Variants in NPFFR2 observed in about 807,000 individuals in gnomAD.
NPFFR2 encodes the protein neuropeptide FF receptor 2.
A neutral mutation model predicts 13.1 loss-of-function variants in NPFFR2; 15 were observed. That is an observed-to-expected ratio of 1.15 (90% CI 0.77 to 1.76). The LOEUF (loss-of-function observed/expected upper bound fraction) is 1.76. Among genes scored for constraint, NPFFR2 ranks in the 40% most tolerant of loss-of-function variants. NPFFR2 has a pLI of 0.00. For synonymous variants in NPFFR2, 190 were observed against 175.7 expected (o/e 1.08, Z -0.65); for missense variants, 572 against 503.5 (o/e 1.14, Z -1.30).
intron 1 of NPFFR2, among the ~76,000 whole-genome samples, chr4:72,058,999 A>G (rs1393218046): frequency 6.6e-6 from 1 of 152,088 alleles, no homozygotes; most frequent in Non-Finnish European, 1.5e-5. Context: ...TTGAGGATGT[A>G]CAAATTAATG....
intron 1 of NPFFR2, among the ~76,000 whole-genome samples, chr4:72,119,807 G>T (rs1441112717): frequency 1.3e-5 from 2 of 152,232 alleles, no homozygotes; most frequent in Non-Finnish European, 2.9e-5. Context: ...TCCCTCAGGT[G>T]CCTATGCCAC....
At chr4:72,073,879 C>T (rs1720341473) in intron 1 of NPFFR2, among the ~76,000 whole-genome samples, 1 of 151,450 alleles carries the variant, frequency 6.6e-6, no homozygotes, top group Admixed American at 6.6e-5. Context: ...AAAGAGTATA[C>T]TCTAAAGGAA....
At chr4:72,065,043 G>A (rs115107179) in intron 1 of NPFFR2, among the ~76,000 whole-genome samples, 139 of 151,600 alleles carry the variant, frequency 9.2e-4, no homozygotes, top group African/African-American at 3.2e-3. Context: ...TTGTCCAGTG[G>A]CCAGAGACAG....
At chr4:72,095,749 T>C (rs1295368231) in intron 1 of NPFFR2, among the ~76,000 whole-genome samples, 1 of 152,144 alleles carries the variant, frequency 6.6e-6, no homozygotes, top group East Asian at 1.9e-4. Context: ...CTCTCACCTT[T>C]CCAGGAGTCT....
chr4:72,115,036 A>G (rs769895833), intron 1 of NPFFR2, among the ~76,000 whole-genome samples: 1 of 152,138 alleles, frequency 6.6e-6, no homozygotes, highest in Non-Finnish European at 1.5e-5. Flanking sequence ...CAAGCATTGG[A>G]TATATTTTGC....
rs1720890510 is a variant in NPFFR2 at position 72,090,520 on chromosome 4, C to T, written c.-7-38065C>T. On this transcript the variant is annotated intron_variant, in intron 1 of 3. Transcript: ENST00000308744. ...TCTTTCAGCAGTGTTTTATAGTTTT[C>T]CTTGTAGAGATCTCTCACCCCTCTG... 4.6e-5 allele frequency among the ~76,000 whole-genome samples: 7 copies of T among 152,110 alleles called. No homozygotes were observed. The South Asian group carries it at 1.5e-3, about 32-fold the overall frequency.
At position 72,073,648 on chromosome 4, in the gene NPFFR2, A is replaced by G. The variant is rs185180678; in HGVS notation, c.-8+41448A>G. 2.0e-4 allele frequency among the ~76,000 whole-genome samples: 30 copies of G among 152,136 alleles called. No individual in the cohort carries two copies. The East Asian group carries it at 5.6e-3, about 28-fold the overall frequency. ...TGTAAATTAACATTTTTTTCTACATAATGGTAGAGATGAATATATTAAAAT... is the reference window on the plus strand; with the variant it reads ...TGTAAATTAACATTTTTTTCTACATGATGGTAGAGATGAATATATTAAAAT... On this transcript the variant is annotated intron_variant, in intron 1 of 3. Coordinates refer to ENST00000308744, the MANE Select transcript of NPFFR2 (RefSeq NM_004885.3).
intron 1 of NPFFR2, among the ~76,000 whole-genome samples, chr4:72,068,439 A>C (rs1720137880): frequency 6.6e-6 from 1 of 152,210 alleles, no homozygotes; most frequent in Admixed American, 6.5e-5. Flanking sequence ...TCATGCTCTA[A>C]TCACTTCTTA....
intron 2 of NPFFR2, among the ~76,000 whole-genome samples, chr4:72,130,022 G>A (rs1722184870): frequency 7.0e-6 from 1 of 143,648 alleles, no homozygotes. Context: ...TCAACTCTGA[G>A]TTGACACAGC....
intron 1 of NPFFR2, among the ~76,000 whole-genome samples, chr4:72,048,326 G>C (rs1719438385): frequency 6.6e-6 from 1 of 151,984 alleles, no homozygotes; most frequent in Non-Finnish European, 1.5e-5. Flanking sequence ...TCTCTAGAAG[G>C]GGGTAATTTG....
intron 1 of NPFFR2, among the ~76,000 whole-genome samples, chr4:72,098,650 CT>C: frequency 6.6e-6 from 1 of 152,250 alleles, no homozygotes; most frequent in Non-Finnish European, 1.5e-5. Context: ...ATAGAATTTT[CT>C]TTCTGCTTCA....
chr4:72,101,832 A>C (rs896895042), intron 1 of NPFFR2, among the ~76,000 whole-genome samples: 1 of 152,084 alleles, frequency 6.6e-6, no homozygotes, highest in Non-Finnish European at 1.5e-5. Context: ...GCTGGGACTC[A>C]TGGGCAAGGT....
chr4:72,144,728 G>A (rs1017829237), intron 3 of NPFFR2, among the ~76,000 whole-genome samples: 1 of 151,920 alleles, frequency 6.6e-6, no homozygotes, highest in Admixed American at 6.6e-5. Flanking sequence ...TTTTTTTCAT[G>A]CTCCCCAAAT....
Position 72,113,070 on chromosome 4 carries a change from C to A in NPFFR2, c.-7-15515C>A, listed in dbSNP as rs183958068. On this transcript the variant is annotated intron_variant, in intron 1 of 3. Coordinates refer to ENST00000308744, the MANE Select transcript of NPFFR2 (RefSeq NM_004885.3). ...ACATTTGAAAATTTACACAGAATAT[C>A]CTTGGGATTTAGTAGTCACCTGATC... Among the ~76,000 whole-genome samples the A allele has an allele frequency of 8.6e-5, 13 of 152,046 alleles. No individual in the cohort carries two copies. In the East Asian group the frequency reaches 2.5e-3, roughly 30 times the overall value.
intron 1 of NPFFR2, among the ~76,000 whole-genome samples, chr4:72,117,620 AG>A: frequency 6.6e-6 from 1 of 152,332 alleles, no homozygotes; most frequent in East Asian, 1.9e-4. Context: ...TTCTTAGAAC[AG>A]TACCTAGCAT....
intron 2 of NPFFR2, among the ~76,000 whole-genome samples, chr4:72,134,996 T>C (rs1309788810): frequency 2.0e-5 from 3 of 152,116 alleles, no homozygotes; most frequent in Non-Finnish European, 4.4e-5. Context: ...TCTGCAAGTA[T>C]CTTTATTCTG....
At chr4:72,100,386 T>C (rs1721206662) in intron 1 of NPFFR2, among the ~76,000 whole-genome samples, 1 of 152,138 alleles carries the variant, frequency 6.6e-6, no homozygotes, top group African/African-American at 2.4e-5. Flanking sequence ...ACTTTCAGTC[T>C]TTTTATTTAT....
chr4:72,059,836 C>T (rs1417707803), intron 1 of NPFFR2, among the ~76,000 whole-genome samples: 2 of 152,106 alleles, frequency 1.3e-5, no homozygotes, highest in African/African-American at 2.4e-5. Context: ...CTATTATTAT[C>T]TGACCTCCGT....
At chr4:72,101,593 A>G (rs947976978) in intron 1 of NPFFR2, among the ~76,000 whole-genome samples, 3 of 152,022 alleles carry the variant, frequency 2.0e-5, no homozygotes, top group East Asian at 1.9e-4. Context: ...TATATTTTAC[A>G]CTATATTAGT....
Sources: gnomAD v4.1 joint callset for allele counts (sites outside exome capture counted in the v4.1 genomes callset) on GRCh38, gnomAD v4.1.1 for gene constraint, MANE v1.5 for transcripts, NCBI Gene and HGNC (gene_info 2026-07-23, HGNC 2026-07-21) for gene names.